SPNS2: variants seen among roughly 807,000 people sequenced by gnomAD.
SPNS2 encodes SPNS lysolipid transporter 2, sphingosine-1-phosphate.
A neutral mutation model predicts 57.6 loss-of-function variants in SPNS2; 37 were observed. The ratio of observed to expected loss-of-function variants is 0.64; its 90% CI spans 0.49 to 0.85. SPNS2 has a LOEUF of 0.85. Among genes scored for constraint, SPNS2 ranks in the 40% least tolerant of loss-of-function variants. SPNS2 has a pLI of 0.00. For missense variants in SPNS2, 831 were observed against 779.1 expected (o/e 1.07, Z -0.79); for synonymous variants, 440 against 346.9 (o/e 1.27, Z -2.98).
At chr17:4,525,233 G>A in intron 3 of SPNS2, 40 bp downstream of exon 3, 1 of 1,605,408 alleles carries the variant, frequency 6.2e-7, no homozygotes, top group Non-Finnish European at 8.5e-7. Flanking sequence ...CCTGTGTCCT[G>A]GTCCCTCCAG....
In SPNS2 at chr17:4,520,541, A is replaced by G. The variant is rs542420635; in HGVS notation, c.437-4516A>G. ...GTTCTCTGCCGCCTTCTAAACACCA[A>G]ACCCTGTCCTGGTCTTTAGCCCAGT... On this transcript the variant is annotated intron_variant, in intron 2 of 12. Coordinates refer to ENST00000329078, the MANE Select transcript of SPNS2 (RefSeq NM_001124758.3). Among the ~76,000 whole-genome samples the G allele has an allele frequency of 2.0e-4, 31 of 152,130 alleles. No homozygotes were observed. In the South Asian group the frequency reaches 6.2e-3, roughly 31 times the overall value.
Position 4,533,372 on chromosome 17 carries a change from C to A in SPNS2, c.1218C>A (p.Gly406=). The change falls in exon 8 of 13, where the codon GGC becomes GGA. Residue 406 remains glycine, a synonymous_variant. Coordinates refer to ENST00000329078, the MANE Select transcript of SPNS2 (RefSeq NM_001124758.3). ...TGGTGTGTGCCGTGGGCATGCTGGG[C>A]TCTGCCATCTTCATCTGCCTGATCT... is the stretch of plus-strand genomic sequence containing the variant. The part of the protein sequence containing the change: ...DPLVCAVGML[G]SAIFICLIFV... 1 of 1,610,998 alleles carries A rather than the reference C, an allele frequency of 6.2e-7. No homozygotes were observed.
In SPNS2 at chr17:4,536,364, C is replaced by A; in HGVS notation, c.1545C>A (p.Gly515=). ...LMLCPFVVVL[G]GMFFLATALF... ...TCTGCCCTTTCGTCGTGGTCCTGGG[C>A]GGCATGTTCTTCCTCGCCACTGCGC... is the stretch of plus-strand genomic sequence containing the variant. Residue 515 remains glycine, a synonymous_variant, in exon 11 of 13, where the codon GGC becomes GGA. Coordinates refer to ENST00000329078, the MANE Select transcript of SPNS2 (RefSeq NM_001124758.3). The A allele has an allele frequency of 6.2e-7, 1 of 1,610,046 alleles. No individual in the cohort carries two copies. Among genetic ancestry groups the A allele is most frequent in the Non-Finnish European group, 8.5e-7 (1 of 1,179,914 alleles).
At chr17:4,529,627 C>T (rs1053018597) in intron 3 of SPNS2, among the ~76,000 whole-genome samples, 8 of 151,750 alleles carry the variant, frequency 5.3e-5, no homozygotes, top group African/African-American at 1.7e-4. Flanking sequence ...AGTGAGATCG[C>T]GCCACTGCAC....
intron 1 of SPNS2, among the ~76,000 whole-genome samples, chr17:4,503,038 G>A (rs1478914663): frequency 3.9e-5 from 6 of 152,338 alleles, no homozygotes; most frequent in Non-Finnish European, 8.8e-5. Context: ...CTTACCGAGC[G>A]TTGCTTCAAT....
Position 4,516,307 on chromosome 17 carries a change from C to CT in SPNS2, c.436+2996dup, listed in dbSNP as rs1289941130. On this transcript the variant is annotated intron_variant, in intron 2 of 12. Transcript: ENST00000329078. ...CCAGCCTGGGTGACAGAGTGAGACTCTATCTCCCCAAAAAAAAAAAAAAAA... is the reference window on the plus strand; with the variant it reads ...CCAGCCTGGGTGACAGAGTGAGACTCTTATCTCCCCAAAAAAAAAAAAAAAA... 1.4e-4 allele frequency among the ~76,000 whole-genome samples: 15 copies of CT among 105,808 alleles called. 1 individual carries two copies. Among genetic ancestry groups the CT allele is most frequent in the African/African-American group, 5.7e-4 (15 of 26,414 alleles). 69.4% of individuals were successfully genotyped at this position (105,808 alleles called of 152,430 possible).
rs116954248 is a variant in SPNS2 at position 4,537,360 on chromosome 17, C to T, written c.*5-93C>T. Reference sequence around the variant, plus strand: ...AGCTGCAGGTCCAGGAGAAGGCTTGCGTCTCCAAACAGCAAGAAAAGGGAA... The same window carrying T: ...AGCTGCAGGTCCAGGAGAAGGCTTGTGTCTCCAAACAGCAAGAAAAGGGAA... On this transcript the variant is annotated intron_variant, in intron 12 of 12. Coordinates refer to ENST00000329078, the MANE Select transcript of SPNS2 (RefSeq NM_001124758.3). 5.2e-4 allele frequency: 205 copies of T among 394,382 alleles called. 1 individual carries two copies. Among genetic ancestry groups the T allele is most frequent in the Non-Finnish European group, 8.2e-4 (164 of 199,196 alleles). 24.4% of individuals were successfully genotyped at this position (394,382 alleles called of 1,614,324 possible).
chr17:4,499,225 C>G lies in SPNS2; in HGVS notation c.178C>G (p.Leu60Val). 2.1e-6 allele frequency: 3 copies of G among 1,453,178 alleles called. No homozygotes were observed. Among genetic ancestry groups the G allele is most frequent in the Non-Finnish European group, 2.7e-6 (3 of 1,109,054 alleles). 90.0% of individuals were successfully genotyped at this position (1,453,178 alleles called of 1,614,324 possible). ...VSAAGDEVQT[L>V]SGSVRRAPTG... Reference sequence around the variant, plus strand: ...GGCCGCGGGCGATGAGGTGCAGACGCTGTCGGGCAGCGTAAGGCGGGCCCC... The same window carrying G: ...GGCCGCGGGCGATGAGGTGCAGACGGTGTCGGGCAGCGTAAGGCGGGCCCC... Residue 60 changes from leucine (L) to valine (V), a missense_variant, in exon 1 of 13, where the codon CTG (leucine) becomes GTG (valine). Leu to Val is a conservative substitution (Grantham distance 32, BLOSUM62 1). Coordinates refer to ENST00000329078, the MANE Select transcript of SPNS2 (RefSeq NM_001124758.3). The surrounding 1 kb of genome is among the most constrained non-coding windows in gnomAD (Gnocchi z 5.2).
Position 4,536,263 on chromosome 17 carries a change from A to C in SPNS2, c.1444A>C (p.Ile482Leu), listed in dbSNP as rs1417785433. The change falls in exon 11 of 13, where the codon ATC (isoleucine) becomes CTC (leucine). Residue 482 changes from isoleucine (I) to leucine (L), a missense_variant and splice_region_variant. By Grantham distance (5) the Ile-to-Leu change is conservative. Transcript: ENST00000329078. ...DAGSPYLIGFISDLIRQSTKD... is the reference protein window; with the variant it reads ...DAGSPYLIGFLSDLIRQSTKD... ...GACATCCACCCCCAAATCCTCGCAG[A>C]TCTCAGACCTGATCCGCCAGAGCAC... 2 of 1,611,528 alleles carry C rather than the reference A, an allele frequency of 1.2e-6. No individual in the cohort carries two copies. The highest frequency in any genetic ancestry group is 1.7e-6 in the Non-Finnish European group (2 of 1,179,362).
chr17:4,532,839 T>C (rs1905555521), intron 6 of SPNS2, 138 bp from the exon 7 acceptor site: 1 of 1,457,222 alleles, frequency 6.9e-7, no homozygotes, highest in Non-Finnish European at 9.2e-7. Flanking sequence ...GAATCGATTA[T>C]TCCTGCAGCC....
In SPNS2 at chr17:4,536,328, C is replaced by T. The variant is rs147208913; in HGVS notation, c.1509C>T (p.Tyr503=). 1.4e-3 allele frequency: 2,205 copies of T among 1,612,076 alleles called. 22 individuals carry two copies. In the East Asian group the frequency reaches 0.028, roughly 21 times the overall value. The change falls in exon 11 of 13, where the codon TAC becomes TAT. Residue 503 remains tyrosine (Y), a synonymous_variant. Coordinates refer to ENST00000329078, the MANE Select transcript of SPNS2 (RefSeq NM_001124758.3). ...SPLWEFLSLG[Y]ALMLCPFVVV... ...TCTGGGAGTTCCTGAGCCTGGGCTA[C>T]GCGCTCATGCTCTGCCCTTTCGTCG...
At position 4,499,410 on chromosome 17, in the gene SPNS2, C is replaced by G; in HGVS notation, c.363C>G (p.Thr121=). 7.5e-7 allele frequency: 1 copy of G among 1,337,586 alleles called. No homozygotes were observed. Among genetic ancestry groups the G allele is most frequent in the African/African-American group, 1.5e-5 (1 of 65,530 alleles). The allele number at this position is 1,337,586 out of a possible 1,614,324, so 82.9% of individuals were successfully genotyped here. Residue 121 remains threonine, a synonymous_variant, in exon 1 of 13, where the codon ACC becomes ACG. Transcript: ENST00000329078. The surrounding 1 kb of genome is among the most constrained non-coding windows in gnomAD (Gnocchi z 5.2). ...TGCTCAACTACCTGGACAGGTACAC[C>G]GTGGCAGGTGAGCGAGTGCCCCACC... ...GNVLNYLDRY[T]VAGVLLDIQQ... is the part of the protein sequence containing the mutation.
chr17:4,538,804 G>C lies in SPNS2; in HGVS notation c.*1356G>C, dbSNP rs536300789. The C allele has an allele frequency of 1.3e-5, 10 of 764,362 alleles. No individual in the cohort carries two copies. In the African/African-American group the frequency reaches 1.4e-4, roughly 11 times the overall value. 47.3% of individuals were successfully genotyped at this position (764,362 alleles called of 1,614,324 possible). ...CCCCGAGGGCCTGACAAGAGGATGGGGTGGGGGTGGCATCCTCCAAAGACC... is the reference window on the plus strand; with the variant it reads ...CCCCGAGGGCCTGACAAGAGGATGGCGTGGGGGTGGCATCCTCCAAAGACC... On this transcript the variant is annotated 3_prime_UTR_variant, in exon 13 of 13. Coordinates refer to ENST00000329078, the MANE Select transcript of SPNS2 (RefSeq NM_001124758.3).
At chr17:4,519,003 C>T (rs1241938892) in intron 2 of SPNS2, among the ~76,000 whole-genome samples, 1 of 152,130 alleles carries the variant, frequency 6.6e-6, no homozygotes, top group Non-Finnish European at 1.5e-5. Flanking sequence ...GGTGAGCTTT[C>T]AGGCGCTGAT....
intron 3 of SPNS2, among the ~76,000 whole-genome samples, chr17:4,527,940 T>C (rs1057396509): frequency 1.7e-5 from 2 of 118,590 alleles, no homozygotes; most frequent in East Asian, 4.2e-4. Context: ...TAAGAAGCAC[T>C]GGAATAGCCA....
At chr17:4,518,886 C>CA (rs1905067094) in intron 2 of SPNS2, among the ~76,000 whole-genome samples, 2 of 152,248 alleles carry the variant, frequency 1.3e-5, no homozygotes, top group African/African-American at 4.8e-5. Context: ...GGAGTGGCCC[C>CA]AAAACCTCAT....
chr17:4,505,751 G>A (rs1366685083), intron 1 of SPNS2, among the ~76,000 whole-genome samples: 2 of 152,142 alleles, frequency 1.3e-5, no homozygotes, highest in Non-Finnish European at 2.9e-5. Context: ...CATCGGCATC[G>A]GGGCAAGAAT....
At chr17:4,524,436 G>C (rs1905215285) in intron 2 of SPNS2, among the ~76,000 whole-genome samples, 1 of 152,218 alleles carries the variant, frequency 6.6e-6, no homozygotes, top group South Asian at 2.1e-4. Context: ...TGTAATCCCA[G>C]CACTTTGGGA....
chr17:4,531,023 C>A (rs1322001938), intron 4 of SPNS2, 30 bp from the exon 5 acceptor site: 1 of 1,612,666 alleles, frequency 6.2e-7, no homozygotes, highest in Non-Finnish European at 8.5e-7. Flanking sequence ...CCTGTCTCTG[C>A]TCAGCCTGAC....
Sources: gnomAD v4.1 joint callset for allele counts (sites outside exome capture counted in the v4.1 genomes callset) on GRCh38, gnomAD v4.1.1 for gene constraint, Gnocchi (gnomAD v3.1) non-coding constraint, MANE v1.5 for transcripts, NCBI Gene and HGNC (gene_info 2026-07-23, HGNC 2026-07-21) for gene names.